The following SERF2 variants were observed in gnomAD, a reference collection of about 807,000 sequenced individuals.
SERF2 encodes the protein small EDRK-rich factor 2, also known as gastric cancer-related protein VRG107.
Under a neutral mutation model 10.7 loss-of-function variants are expected in SERF2, and 4 were observed. That is an observed-to-expected ratio of 0.37 (90% CI 0.18 to 0.86). The LOEUF (loss-of-function observed/expected upper bound fraction) is 0.86. Ranked by LOEUF, SERF2 falls within the 40% of genes least tolerant of loss-of-function variation. The pLI is 0.43. For missense variants in SERF2, 47 were observed against 79.1 expected (o/e 0.59, Z 1.54); for synonymous variants, 26 against 26.0 (o/e 1.00, Z 0.01).
At chr15:43,781,321 G>A (rs527514435) in intron 1 of SERF2, among the ~76,000 whole-genome samples, 107 of 152,216 alleles carry the variant, frequency 7.0e-4, no homozygotes, top group African/African-American at 2.5e-3. Context: ...TTGGGAGGCC[G>A]AGGCAGGTGG....
chr15:43,795,616 A>C lies in SERF2; in HGVS notation c.*1843A>C. On this transcript the variant is annotated 3_prime_UTR_variant, in exon 3 of 3. Transcript: ENST00000249786. ...CCCCTCTCCCCCAACTACCTTTGTT[A>C]AGGCTCTTGAGGGTTCTTATGGCAC... 4.3e-6 allele frequency: 7 copies of C among 1,611,174 alleles called. No individual in the cohort carries two copies. Among genetic ancestry groups the C allele is most frequent in the African/African-American group, 1.3e-5 (1 of 74,960 alleles).
upstream of SERF2, chr15:43,792,297 T>A (rs1049322508): frequency 4.8e-6 from 6 of 1,242,270 alleles, no homozygotes; most frequent in South Asian, 3.6e-5. Flanking sequence ...CTGTGCTACG[T>A]TGCCAGAAGG....
chr15:43,794,817 TCAGA>T lies in SERF2; in HGVS notation c.*1047_*1050del. 1 of 576,078 alleles carries T rather than the reference TCAGA, an allele frequency of 1.7e-6. No individual in the cohort carries two copies. The highest frequency in any genetic ancestry group is 3.1e-6 in the Non-Finnish European group (1 of 325,198). 35.7% of individuals were successfully genotyped at this position (576,078 alleles called of 1,614,324 possible). On this transcript the variant is annotated 3_prime_UTR_variant, in exon 3 of 3. Transcript: ENST00000249786. Reference sequence around the variant, plus strand: ...CAGATGTAACAGTAGCTCCAGTGAGTCAGACACTCTGCCCAGCACATTAGACTGT... The same window carrying T: ...CAGATGTAACAGTAGCTCCAGTGAGTCACTCTGCCCAGCACATTAGACTGT...
At chr15:43,777,434 C>T (rs1370024724) in exon 1 of SERF2, 2 of 218,670 alleles carry the variant, frequency 9.1e-6, no homozygotes, top group South Asian at 1.0e-4. Context: ...CGAAGGGGCA[C>T]CCGAGACAGC....
upstream of SERF2, among the ~76,000 whole-genome samples, chr15:43,789,021 C>T (rs886778169): frequency 4.0e-5 from 6 of 151,580 alleles, no homozygotes; most frequent in Admixed American, 6.6e-5. Context: ...TAGTGGCGGG[C>T]GCCTGTAGTC....
chr15:43,794,736 A>T lies in SERF2; in HGVS notation c.*963A>T. ...GGCTGGTGCCACACTGTCTGCTGGG[A>T]TCAGCGGTGGTTCTTTGAGCTGCTG... On this transcript the variant is annotated 3_prime_UTR_variant, in exon 3 of 3. Coordinates refer to ENST00000249786, the MANE Select transcript of SERF2 (RefSeq NM_001018108.4). 1 of 423,716 alleles carries T rather than the reference A, an allele frequency of 2.4e-6. No individual in the cohort carries two copies. The highest frequency in any genetic ancestry group is 3.9e-5 in the East Asian group (1 of 25,558). 26.2% of individuals were successfully genotyped at this position (423,716 alleles called of 1,614,324 possible).
rs1460381289 is a variant in SERF2, at chr15:43,795,976, GTTAAA to G, written c.*2210_*2214del. The G allele has an allele frequency of 4.6e-5, 30 of 648,686 alleles. No individual in the cohort carries two copies. The highest frequency in any genetic ancestry group is 3.2e-4 in the Middle Eastern group (1 of 3,102). 40.2% of individuals were successfully genotyped at this position (648,686 alleles called of 1,614,324 possible). A position where few individuals can be genotyped will look rare whatever the true frequency, so the allele number is the denominator to read the frequency against. ...CCTACCTCACAGGGTTGTTGTGAGG[GTTAAA>G]TTAAATGAGATTATGTAAAAGTATC... On this transcript the variant is annotated 3_prime_UTR_variant, in exon 3 of 3. Coordinates refer to ENST00000249786, the MANE Select transcript of SERF2 (RefSeq NM_001018108.4).
At chr15:43,781,982 G>A (rs1161694344) in intron 1 of SERF2, among the ~76,000 whole-genome samples, 2 of 151,408 alleles carry the variant, frequency 1.3e-5, no homozygotes, top group East Asian at 1.9e-4. Flanking sequence ...TCTGCCTCCC[G>A]GGTTCAAGCA....
At chr15:43,793,193 G>A in intron 2 of SERF2, 110 bp downstream of exon 2, 1 of 684,780 alleles carries the variant, frequency 1.5e-6, no homozygotes, top group Non-Finnish European at 2.6e-6. Context: ...GTCGTGAGGA[G>A]CAGAGTGCAT....
chr15:43,781,695 G>T (rs1001656497), intron 1 of SERF2, among the ~76,000 whole-genome samples: 1 of 149,294 alleles, frequency 6.7e-6, no homozygotes. Flanking sequence ...GGGTTCAAGC[G>T]ATTCTCCTGC....
At chr15:43,779,474 G>GA (rs1045004245) in intron 1 of SERF2, among the ~76,000 whole-genome samples, 1 of 151,608 alleles carries the variant, frequency 6.6e-6, no homozygotes, top group Admixed American at 6.6e-5. Flanking sequence ...ACTTGGAAGG[G>GA]AAAAAAAATT....
At chr15:43,790,180 G>A (rs569513448), upstream of SERF2, among the ~76,000 whole-genome samples, 1 of 151,482 alleles carries the variant, frequency 6.6e-6, no homozygotes, top group Non-Finnish European at 1.5e-5. Flanking sequence ...GTGGTGGCGG[G>A]TGCCTGTAAT....
upstream of SERF2, among the ~76,000 whole-genome samples, chr15:43,788,993 C>CA (rs2087030408): frequency 6.6e-6 from 1 of 151,930 alleles, no homozygotes; most frequent in South Asian, 2.1e-4. Flanking sequence ...ACCAAAAACA[C>CA]AAAAAATTAG....
intron 2 of SERF2, 181 bp from the exon 3 acceptor site, chr15:43,793,529 G>C (rs1567168082): frequency 6.8e-7 from 1 of 1,473,518 alleles, no homozygotes. Context: ...GCCAGATGGA[G>C]ACTGGTCGCC....
chr15:43,795,307 G>GT lies in SERF2; in HGVS notation c.*1535dup, dbSNP rs753033925. On this transcript the variant is annotated 3_prime_UTR_variant, in exon 3 of 3. Coordinates refer to ENST00000249786, the MANE Select transcript of SERF2 (RefSeq NM_001018108.4). ...ACCAAATATAATGGCAGACCCATGT[G>GT]TGTCTGGAATGGCCTTGAATTGCTC... is the stretch of plus-strand genomic sequence containing the variant. 1 of 1,592,508 alleles carries GT rather than the reference G, an allele frequency of 6.3e-7. No homozygotes were observed. Among genetic ancestry groups the GT allele is most frequent in the Non-Finnish European group, 8.6e-7 (1 of 1,161,218 alleles).
upstream of SERF2, among the ~76,000 whole-genome samples, chr15:43,788,903 A>C (rs2087029488): frequency 6.6e-6 from 1 of 152,112 alleles, no homozygotes; most frequent in African/African-American, 2.4e-5. Context: ...TAATCCCAGC[A>C]CTTTGGGAGG....
Position 43,794,006 on chromosome 15 carries a change from G to A in SERF2, c.*233G>A, listed in dbSNP as rs2087141804. Reference sequence around the variant, plus strand: ...CCCCTTCCCAGTGTTTTTTATTCCTGTGGGGCTCACCCCAAAGTATTAAAA... The same window carrying A: ...CCCCTTCCCAGTGTTTTTTATTCCTATGGGGCTCACCCCAAAGTATTAAAA... On this transcript the variant is annotated 3_prime_UTR_variant, in exon 3 of 3. Transcript: ENST00000249786. The A allele has an allele frequency of 1.4e-6, 2 of 1,477,270 alleles. No individual in the cohort carries two copies. The allele number at this position is 1,477,270 out of a possible 1,614,324, so 91.5% of individuals were successfully genotyped here. A position where few individuals can be genotyped will look rare whatever the true frequency, so the allele number is the denominator to read the frequency against.
At position 43,795,022 on chromosome 15, in the gene SERF2, T is replaced by C. The variant is rs764032205; in HGVS notation, c.*1249T>C. 6.2e-7 allele frequency: 1 copy of C among 1,611,470 alleles called. No homozygotes were observed. Among genetic ancestry groups the C allele is most frequent in the Admixed American group, 1.7e-5 (1 of 59,868 alleles). On this transcript the variant is annotated 3_prime_UTR_variant, in exon 3 of 3. Transcript: ENST00000249786. ...GACTTAGACTGGAGGATATTTGTTA[T>C]CTGGGGATATGATGCGGTGGCGGCG...
chr15:43,787,004 GT>G (rs71111826), intron 2 of SERF2, among the ~76,000 whole-genome samples: 88,581 of 126,112 alleles, frequency 0.7, 29,142 homozygotes, highest in East Asian at 0.79. Context: ...TCGTTTTTTT[GT>G]TTTTTTTTTT....
Sources: allele counts gnomAD v4.1 joint callset (sites outside exome capture counted in the v4.1 genomes callset), GRCh38; gene constraint gnomAD v4.1.1; transcripts MANE v1.5; gene names NCBI Gene and HGNC (gene_info 2026-07-23, HGNC 2026-07-21).